TTC7A: variants seen among roughly 807,000 people sequenced by gnomAD.
TTC7A encodes the protein tetratricopeptide repeat domain 7A.
In TTC7A, 110 loss-of-function variants were observed where a neutral mutation model predicts 103.7. The observed-to-expected ratio is 1.06, with a 90% confidence interval of 0.91 to 1.24. TTC7A has a LOEUF of 1.24. Among genes scored for constraint, TTC7A ranks in the 50% most tolerant of loss-of-function variants. TTC7A has a pLI of 0.00. For missense variants in TTC7A, 1,340 were observed against 1,116.3 expected, an observed-to-expected ratio of 1.20 and a Z score of -2.86; for synonymous variants, 521 against 467.9, an observed-to-expected ratio of 1.11 and a Z score of -1.47.
chr2:46,935,974 C>T (rs1333208768), intron 2 of TTC7A, among the ~76,000 whole-genome samples: 3 of 151,904 alleles, frequency 2.0e-5, no homozygotes, highest in African/African-American at 7.3e-5. Context: ...GCCTGTAGTC[C>T]CAGCTACTCG....
chr2:47,030,339 G>A (rs371386664), intron 15 of TTC7A, among the ~76,000 whole-genome samples: 3 of 152,210 alleles, frequency 2.0e-5, no homozygotes, highest in East Asian at 3.9e-4. Context: ...AGCCTAGGGA[G>A]GTTCCCATCA....
At chr2:46,968,426 G>A (rs1431912924) in intron 3 of TTC7A, among the ~76,000 whole-genome samples, 2 of 152,158 alleles carry the variant, frequency 1.3e-5, no homozygotes, top group East Asian at 1.9e-4. Context: ...AAGCGCTCAC[G>A]GGGCAGAAGG....
At chr2:46,923,000 T>C (rs980836020) in intron 2 of TTC7A, among the ~76,000 whole-genome samples, 65 of 152,342 alleles carry the variant, frequency 4.3e-4, no homozygotes, top group African/African-American at 1.4e-3. Context: ...AAGGCTATTT[T>C]AAAGTATACG....
chr2:46,988,555 A>G (rs1045876659), intron 5 of TTC7A, among the ~76,000 whole-genome samples: 2 of 152,206 alleles, frequency 1.3e-5, no homozygotes, highest in African/African-American at 4.8e-5. Flanking sequence ...CATCAGTTCC[A>G]TGTAGTTTCT....
chr2:46,973,181 C>T (rs1305059375), intron 3 of TTC7A, among the ~76,000 whole-genome samples: 1 of 152,164 alleles, frequency 6.6e-6, no homozygotes, highest in African/African-American at 2.4e-5. Flanking sequence ...GGCCCAGGAG[C>T]AGAATGGAGC....
chr2:47,062,769 C>G (rs563252993), intron 19 of TTC7A, among the ~76,000 whole-genome samples: 1 of 152,320 alleles, frequency 6.6e-6, no homozygotes, highest in African/African-American at 2.4e-5. Flanking sequence ...AAGCAGTTTC[C>G]AAGGGTAGGT....
At chr2:46,976,892 G>T (rs1445485947) in intron 4 of TTC7A, among the ~76,000 whole-genome samples, 1 of 152,184 alleles carries the variant, frequency 6.6e-6, no homozygotes, top group Non-Finnish European at 1.5e-5. Flanking sequence ...TGACCGATGG[G>T]CTCAGCAAAT....
At chr2:46,989,784 C>G (rs1349096078) in intron 5 of TTC7A, among the ~76,000 whole-genome samples, 4 of 151,504 alleles carry the variant, frequency 2.6e-5, no homozygotes, top group Non-Finnish European at 5.9e-5. Context: ...ATGTGCAGTC[C>G]TGATTCTTTA....
Position 47,005,997 on chromosome 2 carries a change from G to A in TTC7A, c.1141G>A (p.Ala381Thr), listed in dbSNP as rs751523740. ...GACAGTGAGCTTGCAGAATGCCGCA[G>A]CCATCTATGACCTCCTGAGCATCAC... ...DRTVSLQNAA[A>T]IYDLLSITLG... Residue 381 changes from alanine to threonine, a missense_variant, in exon 9 of 20, where the codon GCC becomes ACC. Coordinates refer to ENST00000319190, the MANE Select transcript of TTC7A (RefSeq NM_020458.4). 2.5e-6 allele frequency: 4 copies of A among 1,613,932 alleles called. No individual in the cohort carries two copies. Among genetic ancestry groups the A allele is most frequent in the Non-Finnish European group, 3.4e-6 (4 of 1,180,038 alleles).
chr2:47,041,213 G>A (rs940701378), intron 15 of TTC7A, among the ~76,000 whole-genome samples: 4 of 152,186 alleles, frequency 2.6e-5, no homozygotes, highest in Non-Finnish European at 5.9e-5. Context: ...CCAGCGCTCT[G>A]CTTGTCAGCT....
intron 2 of TTC7A, among the ~76,000 whole-genome samples, chr2:46,925,611 G>C (rs949401701): frequency 6.6e-6 from 1 of 152,082 alleles, no homozygotes; most frequent in Non-Finnish European, 1.5e-5. Context: ...TAACCTGACT[G>C]TATCAACTGA....
chr2:46,936,900 G>A (rs1449778975), upstream of TTC7A, among the ~76,000 whole-genome samples: 1 of 150,694 alleles, frequency 6.6e-6, no homozygotes, highest in African/African-American at 2.4e-5. Context: ...TGTCACCCAG[G>A]CTGGAGTGCA....
At position 47,014,652 on chromosome 2, in the gene TTC7A, A is replaced by C. The variant is rs72872944; in HGVS notation, c.1392+3217A>C. Among the ~76,000 whole-genome samples, 1,302 of 152,288 alleles carry C rather than the reference A, an allele frequency of 8.5e-3. 16 individuals are homozygous for C. Among genetic ancestry groups the C allele is most frequent in the African/African-American group, 0.029 (1,211 of 41,544 alleles). On this transcript the variant is annotated intron_variant, in intron 11 of 19. Transcript: ENST00000319190. ...TGCATGAGACAGGGCACAGATCCCA[A>C]AAGGCGGCTCACACCCCCTTCGTCT...
chr2:46,934,591 T>C (rs1669871069), intron 2 of TTC7A, among the ~76,000 whole-genome samples: 1 of 151,942 alleles, frequency 6.6e-6, no homozygotes, highest in African/African-American at 2.4e-5. Flanking sequence ...TTTCAATAGA[T>C]AGACTCAAAC....
intron 15 of TTC7A, among the ~76,000 whole-genome samples, chr2:47,032,632 C>G (rs1490242023): frequency 3.3e-5 from 5 of 151,862 alleles, no homozygotes; most frequent in East Asian, 1.9e-4. Context: ...GCCCCACCCC[C>G]AGTAGTGCCT....
intron 1 of TTC7A, among the ~76,000 whole-genome samples, chr2:46,947,800 A>G (rs1387829790): frequency 6.6e-6 from 1 of 152,174 alleles, no homozygotes; most frequent in African/African-American, 2.4e-5. Context: ...AAAATACACA[A>G]AGTACTACCT....
chr2:47,006,209 T>C, intron 9 of TTC7A, 150 bp downstream of exon 9: 1 of 1,092,000 alleles, frequency 9.2e-7, no homozygotes, highest in Non-Finnish European at 1.3e-6. Context: ...AAGTCTCAGC[T>C]TCCTCATTGG....
intron 8 of TTC7A, among the ~76,000 whole-genome samples, chr2:47,001,400 G>A (rs376388415): frequency 1.3e-5 from 2 of 152,312 alleles, no homozygotes; most frequent in East Asian, 1.9e-4. Context: ...AGGGAATGGG[G>A]GGTGGTTCAG....
intron 19 of TTC7A, among the ~76,000 whole-genome samples, chr2:47,070,128 C>G (rs1684543240): frequency 6.6e-6 from 1 of 152,210 alleles, no homozygotes; most frequent in Non-Finnish European, 1.5e-5. Context: ...CCTTGGAGGG[C>G]ATCATCAGGC....
Sources: gnomAD v4.1 joint callset for allele counts (sites outside exome capture counted in the v4.1 genomes callset) on GRCh38, gnomAD v4.1.1 for gene constraint, MANE v1.5 for transcripts, NCBI Gene and HGNC (gene_info 2026-07-23, HGNC 2026-07-21) for gene names.